OR51B5: variants seen among roughly 807,000 people sequenced by gnomAD.
The protein encoded by OR51B5 is olfactory receptor 51B5.
For synonymous variants in OR51B5, 186 were observed against 144.8 expected (o/e 1.28, Z -2.04); for missense variants, 456 against 374.6 (o/e 1.22, Z -1.79).
intron 1 of OR51B5, among the ~76,000 whole-genome samples, chr11:5,371,813 C>T (rs1201749329): frequency 1.3e-5 from 2 of 152,106 alleles, no homozygotes; most frequent in African/African-American, 4.8e-5. Context: ...GTTTACAGTA[C>T]AGTATTAAGT....
At chr11:5,454,024 G>A (rs1225644007) in intron 1 of OR51B5, 18 of 1,613,940 alleles carry the variant, frequency 1.1e-5, no homozygotes, top group Non-Finnish European at 1.5e-5. Flanking sequence ...CACTCCTACT[G>A]CCTGCACCCA....
At chr11:5,420,692 T>A (rs1850320725) in intron 1 of OR51B5, among the ~76,000 whole-genome samples, 1 of 152,130 alleles carries the variant, frequency 6.6e-6, no homozygotes, top group South Asian at 2.1e-4. Context: ...CTTATATTAT[T>A]TTCTCTATTT....
chr11:5,341,092 A>G (rs1459812868), downstream of OR51B5: 2 of 152,166 alleles, frequency 1.3e-5, no homozygotes, highest in Non-Finnish European at 2.9e-5. Flanking sequence ...ACAGAATATA[A>G]ATAAGGATTG....
At chr11:5,425,125 G>A in intron 1 of OR51B5, among the ~76,000 whole-genome samples, 1 of 151,726 alleles carries the variant, frequency 6.6e-6, no homozygotes, top group East Asian at 1.9e-4. Flanking sequence ...GGGTCTGCTG[G>A]CGTAAATTGC....
intron 1 of OR51B5, among the ~76,000 whole-genome samples, chr11:5,478,823 A>C (rs1851362967): frequency 6.6e-6 from 1 of 150,470 alleles, no homozygotes; most frequent in Admixed American, 6.6e-5. Flanking sequence ...AAAGAATAAA[A>C]AGAAATGAGC....
chr11:5,390,252 ATCT>A (rs749099661), intron 1 of OR51B5: 4 of 1,613,946 alleles, frequency 2.5e-6, no homozygotes, highest in South Asian at 2.2e-5. Flanking sequence ...CCTGCTATTC[ATCT>A]TCTTATGGCC....
At chr11:5,400,128 TTTG>T (rs1185843998) in intron 1 of OR51B5, among the ~76,000 whole-genome samples, 1 of 152,192 alleles carries the variant, frequency 6.6e-6, no homozygotes, top group African/African-American at 2.4e-5. Context: ...TGTGTGATCA[TTTG>T]TTAAGGTCAA....
At chr11:5,479,699 A>C (rs977826903) in intron 1 of OR51B5, among the ~76,000 whole-genome samples, 12 of 150,666 alleles carry the variant, frequency 8.0e-5, no homozygotes, top group African/African-American at 2.7e-4. Flanking sequence ...AAAAAAAGGC[A>C]GGGGTTGCAA....
chr11:5,453,211 T>C (rs1369716332), intron 1 of OR51B5: 3 of 276,826 alleles, frequency 1.1e-5, no homozygotes, highest in Non-Finnish European at 2.0e-5. Context: ...TTTTAACTAA[T>C]TTCTATTATT....
At chr11:5,462,129 C>CT (rs1429690865) in intron 1 of OR51B5, among the ~76,000 whole-genome samples, 1 of 152,118 alleles carries the variant, frequency 6.6e-6, no homozygotes, top group East Asian at 1.9e-4. Context: ...TAAAGTAATG[C>CT]TTTTGTCTTG....
rs372754625 is a variant in OR51B5, at chr11:5,348,637, C to T, written n.85-1727G>A. ...ACCTGGAAAGGTTTATATTGTGTAA[C>T]AGGCATCCACTACTCTTCCATCTTC... is the stretch of plus-strand genomic sequence containing the variant. On this transcript the variant is annotated intron_variant and non_coding_transcript_variant, in intron 1 of 4. Transcript: ENST00000415970. Among the ~76,000 whole-genome samples the T allele has an allele frequency of 1.4e-4, 21 of 152,204 alleles. No homozygotes were observed. In the South Asian group the frequency reaches 4.0e-3, roughly 29 times the overall value.
At chr11:5,489,529 C>T (rs760414263) in intron 1 of OR51B5, 1 of 1,613,968 alleles carries the variant, frequency 6.2e-7, no homozygotes, top group Non-Finnish European at 8.5e-7. Context: ...AGTCCCCAAG[C>T]ATGTGCACAT....
At chr11:5,391,098 T>C (rs1390490060) in intron 1 of OR51B5, 1 of 152,240 alleles carries the variant, frequency 6.6e-6, no homozygotes, top group African/African-American at 2.4e-5. Flanking sequence ...TTGTGTGATA[T>C]TGAACAATGA....
At chr11:5,416,720 G>A (rs1390694101) in intron 1 of OR51B5, among the ~76,000 whole-genome samples, 2 of 137,246 alleles carry the variant, frequency 1.5e-5, no homozygotes, top group Admixed American at 1.5e-4. Flanking sequence ...CACCTTACAA[G>A]GGATGTGAAG....
chr11:5,351,253 A>G (rs1263382083), intron 1 of OR51B5, among the ~76,000 whole-genome samples: 1 of 152,210 alleles, frequency 6.6e-6, no homozygotes, highest in Non-Finnish European at 1.5e-5. Context: ...TTTATTCTGC[A>G]TGAATAGCTG....
chr11:5,380,172 G>C lies in OR51B5; in HGVS notation n.85-33262C>G, dbSNP rs1849588727. Among the ~76,000 whole-genome samples the C allele has an allele frequency of 3.3e-5, 5 of 152,146 alleles. No individual in the cohort carries two copies. The South Asian group carries it at 1.0e-3, about 32-fold the overall frequency. ...GGTTCCCTTTCATAATGACTGAAGA[G>C]AGGTAGGATGTTACGAAAGAAGGCG... On this transcript the variant is annotated intron_variant and non_coding_transcript_variant, in intron 1 of 4. Coordinates refer to the OR51B5 transcript ENST00000415970.
At chr11:5,475,560 T>C (rs958819729) in intron 1 of OR51B5, among the ~76,000 whole-genome samples, 1 of 152,158 alleles carries the variant, frequency 6.6e-6, no homozygotes. Context: ...TTAGCCTGAA[T>C]GAGGATCTAC....
intron 1 of OR51B5, among the ~76,000 whole-genome samples, chr11:5,501,534 C>T (rs1846291509): frequency 6.8e-6 from 1 of 147,666 alleles, no homozygotes; most frequent in Admixed American, 7.1e-5. Context: ...GATAATTTTC[C>T]TCTTGTCTAA....
intron 1 of OR51B5, among the ~76,000 whole-genome samples, chr11:5,360,349 T>G (rs78750206): frequency 0.15 from 22,209 of 151,586 alleles, 1,661 homozygotes; most frequent in African/African-American, 0.17. Flanking sequence ...CAGACACTTC[T>G]CAAAAGAAGA....
Sources: allele counts gnomAD v4.1 joint callset (sites outside exome capture counted in the v4.1 genomes callset), GRCh38; gene constraint gnomAD v4.1.1; transcripts MANE v1.5; gene names NCBI Gene and HGNC (gene_info 2026-07-23, HGNC 2026-07-21).